The following SCLY variants were observed in gnomAD, a reference collection of about 807,000 sequenced individuals.
The protein encoded by SCLY is putative selenocysteine lyase.
SCLY carries 38 observed loss-of-function variants against 50.1 expected under a neutral mutation model. The ratio of observed to expected loss-of-function variants is 0.76; its 90% confidence interval spans 0.59 to 0.99. The LOEUF (loss-of-function observed/expected upper bound fraction) is 0.99. Among genes scored for constraint, SCLY ranks in the 50% least tolerant of loss-of-function variants. The pLI, the probability that SCLY is intolerant of heterozygous loss-of-function variation, is 0.00. For synonymous variants in SCLY, 243 were observed against 249.4 expected, an observed-to-expected ratio of 0.97 and a Z score of 0.24; for missense variants, 600 against 620.0, an observed-to-expected ratio of 0.97 and a Z score of 0.34.
rs1691299548 is a variant in SCLY, at chr2:238,098,536, A to T, written c.*181A>T. The T allele has an allele frequency of 3.2e-6, 2 of 617,208 alleles. No homozygotes were observed. Among genetic ancestry groups the T allele is most frequent in the Non-Finnish European group, 4.9e-6 (2 of 412,316 alleles). The allele number at this position is 617,208 out of a possible 1,614,324, so 38.2% of individuals were successfully genotyped here. A position where few individuals can be genotyped will look rare whatever the true frequency, so the allele number is the denominator to read the frequency against. On this transcript the variant is annotated 3_prime_UTR_variant, in exon 12 of 12. Coordinates refer to ENST00000254663, the MANE Select transcript of SCLY (RefSeq NM_016510.7). ...CCTTCCCTGGACCCCTGCAGAGCTC[A>T]CAGGGCCCAGGACACCAACGCCGCA...
At chr2:238,062,651 A>T (rs943328428) in intron 1 of SCLY, among the ~76,000 whole-genome samples, 2 of 152,228 alleles carry the variant, frequency 1.3e-5, no homozygotes, top group Non-Finnish European at 2.9e-5. Context: ...ACCTCAGGTG[A>T]TCTGCCCGCC....
Position 238,098,647 on chromosome 2 carries a change from G to GGGACCGCCCACATA in SCLY, c.*294_*307dup, listed in dbSNP as rs1553568658. 3.0e-5 allele frequency: 6 copies of GGGACCGCCCACATA among 200,336 alleles called. No homozygotes were observed. The highest frequency in any genetic ancestry group is 4.6e-5 in the Non-Finnish European group (5 of 109,296). 12.4% of individuals were successfully genotyped at this position (200,336 alleles called of 1,614,324 possible). On this transcript the variant is annotated 3_prime_UTR_variant, in exon 12 of 12. Coordinates refer to ENST00000254663, the MANE Select transcript of SCLY (RefSeq NM_016510.7). ...ACCGCCCACATGGGACCGCCCACAT[G>GGGACCGCCCACATA]GGACCGCCCACATAGAACCGTCCTC...
Position 238,098,333 on chromosome 2 carries a change from C to T in SCLY, c.1316C>T (p.Ala439Val), listed in dbSNP as rs148012854. The T allele has an allele frequency of 1.2e-3, 1,884 of 1,602,650 alleles. 1 individual carries two copies. The highest frequency in any genetic ancestry group is 1.4e-3 in the Non-Finnish European group (1,676 of 1,177,912). ...GTGCAGGACCTGAAGCAGGCCGTGG[C>T]GCAGCTGGAGGACCAGGCCTAGCAC... ...LVVQDLKQAV[A>V]QLEDQA The change falls in exon 12 of 12, where the codon GCG becomes GTG. Residue 439 changes from alanine to valine, a missense_variant. Physicochemically the swap from Ala to Val is moderately conservative, Grantham distance 64. Transcript: ENST00000254663.
rs148012854 is a variant in SCLY, at chr2:238,098,333, C to A, written c.1316C>A (p.Ala439Glu). 1.1e-5 allele frequency: 18 copies of A among 1,602,654 alleles called. No individual in the cohort carries two copies. The highest frequency in any genetic ancestry group is 1.7e-6 in the Non-Finnish European group (2 of 1,177,914). ...GTGCAGGACCTGAAGCAGGCCGTGG[C>A]GCAGCTGGAGGACCAGGCCTAGCAC... Reference protein sequence around the residue: ...LVVQDLKQAVAQLEDQA With the variant: ...LVVQDLKQAVEQLEDQA The change falls in exon 12 of 12, where the codon GCG (alanine) becomes GAG (glutamate). Residue 439 changes from alanine to glutamate, a missense_variant. Coordinates refer to ENST00000254663, the MANE Select transcript of SCLY (RefSeq NM_016510.7).
chr2:238,072,827 G>A (rs191874783), intron 4 of SCLY, among the ~76,000 whole-genome samples: 10 of 152,090 alleles, frequency 6.6e-5, no homozygotes, highest in Admixed American at 6.5e-4. Flanking sequence ...TCATTCTGTG[G>A]GTTTGCTCTT....
chr2:238,098,390 A>T lies in SCLY; in HGVS notation c.*35A>T. On this transcript the variant is annotated 3_prime_UTR_variant, in exon 12 of 12. Coordinates refer to ENST00000254663, the MANE Select transcript of SCLY (RefSeq NM_016510.7). ...CGCCTTCCCCACCCCGCTTCTGGGA[A>T]GCCCGTGGCAGGGCACAGGGTTGTC... 2 of 1,553,892 alleles carry T rather than the reference A, an allele frequency of 1.3e-6. No homozygotes were observed. Among genetic ancestry groups the T allele is most frequent in the Non-Finnish European group, 1.7e-6 (2 of 1,153,640 alleles).
In SCLY at chr2:238,082,125, C is replaced by T; in HGVS notation, c.693C>T (p.His231=). ...CTGGGCTACCTCCCATCCTCGTGCA[C>T]ACGGATGCTGCACAGGCCTTGGGGA... The part of the protein sequence containing the change: ...VAAGLPPILV[H]TDAAQALGKQ... The change falls in exon 6 of 12, where the codon CAC becomes CAT. Residue 231 remains histidine (H), a synonymous_variant. Coordinates refer to ENST00000254663, the MANE Select transcript of SCLY (RefSeq NM_016510.7). 6.2e-7 allele frequency: 1 copy of T among 1,613,328 alleles called. No homozygotes were observed. The highest frequency in any genetic ancestry group is 1.1e-5 in the South Asian group (1 of 91,044).
chr2:238,094,161 T>C, intron 9 of SCLY: 2 of 615,572 alleles, frequency 3.2e-6, no homozygotes, highest in Non-Finnish European at 5.8e-6. Context: ...GCATGATCTT[T>C]TTCAGAGACA....
intron 7 of SCLY, among the ~76,000 whole-genome samples, chr2:238,087,630 G>A (rs80038045): frequency 0.1 from 15,395 of 152,104 alleles, 1,476 homozygotes; most frequent in African/African-American, 0.24. Context: ...AAAATAAAGA[G>A]GAAGGACAAC....
rs548015352 is a variant in SCLY at position 238,099,024 on chromosome 2, C to T, written c.*669C>T. The T allele has an allele frequency of 3.3e-5, 11 of 338,392 alleles. No homozygotes were observed. Among genetic ancestry groups the T allele is most frequent in the South Asian group, 2.2e-4 (9 of 41,528 alleles). The allele number at this position is 338,392 out of a possible 1,614,324, so 21.0% of individuals were successfully genotyped here. A position where few individuals can be genotyped will look rare whatever the true frequency, so the allele number is the denominator to read the frequency against. On this transcript the variant is annotated 3_prime_UTR_variant, in exon 12 of 12. Coordinates refer to ENST00000254663, the MANE Select transcript of SCLY (RefSeq NM_016510.7). ...CCGCCCACCACCCCTCCTGCTTCCC[C>T]GAGCCTGACCCTGTTCCGCCCACTG...
At chr2:238,077,216 G>T (rs913686456) in intron 4 of SCLY, among the ~76,000 whole-genome samples, 6 of 152,128 alleles carry the variant, frequency 3.9e-5, no homozygotes, top group Non-Finnish European at 7.4e-5. Flanking sequence ...TATTATGGAT[G>T]AACTGGTTCT....
chr2:238,064,374 A>G lies in SCLY; in HGVS notation c.107A>G (p.Tyr36Cys), dbSNP rs1280136357. 9 of 1,607,934 alleles carry G rather than the reference A, an allele frequency of 5.6e-6. No individual in the cohort carries two copies. Among genetic ancestry groups the G allele is most frequent in the African/African-American group, 1.3e-5 (1 of 74,430 alleles). The change falls in exon 2 of 12, where the codon TAT becomes TGT. Residue 36 changes from tyrosine to cysteine, a missense_variant. Transcript: ENST00000254663. ...TCCTTCAGGAAAGTTTATATGGACT[A>G]TAATGCAACGACTCCCCTGGAGCCA... The part of the protein sequence containing the change: ...NSPERKVYMD[Y>C]NATTPLEPEV...
chr2:238,087,272 G>C (rs539201849), intron 7 of SCLY, among the ~76,000 whole-genome samples: 2 of 151,954 alleles, frequency 1.3e-5, no homozygotes, highest in South Asian at 4.2e-4. Context: ...CCTCTAGCAA[G>C]ACTGACCAAA....
At position 238,083,103 on chromosome 2, in the gene SCLY, G is replaced by T. The variant is rs753517125; in HGVS notation, c.778-145G>T. 3 of 725,602 alleles carry T rather than the reference G, an allele frequency of 4.1e-6. No individual in the cohort carries two copies. The highest frequency in any genetic ancestry group is 4.0e-5 in the Admixed American group (2 of 49,972). The allele number at this position is 725,602 out of a possible 1,614,324, so 44.9% of individuals were successfully genotyped here. ...CTTTTGTGACTCTGCGTGTCAAAAGGGGTGGCACTCAGAGGCGCCACAAGG... is the reference window on the plus strand; with the variant it reads ...CTTTTGTGACTCTGCGTGTCAAAAGTGGTGGCACTCAGAGGCGCCACAAGG... On this transcript the variant is annotated intron_variant, in intron 6 of 11. Coordinates refer to ENST00000254663, the MANE Select transcript of SCLY (RefSeq NM_016510.7). The surrounding 1 kb of genome is among the most constrained non-coding windows in gnomAD (Gnocchi z 4.3).
At chr2:238,086,657 G>C in intron 7 of SCLY, among the ~76,000 whole-genome samples, 1 of 138,758 alleles carries the variant, frequency 7.2e-6, no homozygotes. Context: ...AGTGAGCTAT[G>C]ATCACACCAT....
chr2:238,078,126 G>A (rs891997045), intron 4 of SCLY, among the ~76,000 whole-genome samples: 3 of 151,968 alleles, frequency 2.0e-5, no homozygotes, highest in Non-Finnish European at 4.4e-5. Flanking sequence ...GCTAATTTTT[G>A]TATTTTTAGT....
intron 8 of SCLY, chr2:238,091,518 A>G: frequency 1.1e-5 from 5 of 464,608 alleles, no homozygotes; most frequent in East Asian, 3.9e-5. Context: ...ATACTGTTAC[A>G]GCAGAGGTGA....
At position 238,099,241 on chromosome 2, in the gene SCLY, C is replaced by T. The variant is rs920726493; in HGVS notation, c.*886C>T. 12 of 471,246 alleles carry T rather than the reference C, an allele frequency of 2.5e-5. No homozygotes were observed. The highest frequency in any genetic ancestry group is 1.9e-4 in the Admixed American group (8 of 42,472). 29.2% of individuals were successfully genotyped at this position (471,246 alleles called of 1,614,324 possible). A position where few individuals can be genotyped will look rare whatever the true frequency, so the allele number is the denominator to read the frequency against. On this transcript the variant is annotated 3_prime_UTR_variant, in exon 12 of 12. Coordinates refer to ENST00000254663, the MANE Select transcript of SCLY (RefSeq NM_016510.7). ...AATTTTATTTGCAGAGGATTCTTTT[C>T]TCAAAATGCTCTGGCATTTGGACAC...
At chr2:238,091,518 A>T in intron 8 of SCLY, 5 of 464,538 alleles carry the variant, frequency 1.1e-5, no homozygotes, top group Admixed American at 3.5e-5. Flanking sequence ...ATACTGTTAC[A>T]GCAGAGGTGA....
Sources: gnomAD v4.1 joint callset for allele counts (sites outside exome capture counted in the v4.1 genomes callset) on GRCh38, gnomAD v4.1.1 for gene constraint, Gnocchi (gnomAD v3.1) non-coding constraint, MANE v1.5 for transcripts, NCBI Gene and HGNC (gene_info 2026-07-23, HGNC 2026-07-21) for gene names.